WDR37: variants seen among roughly 807,000 people sequenced by gnomAD.
The protein encoded by WDR37 is WD repeat-containing protein 37.
A neutral mutation model predicts 62.9 loss-of-function variants in WDR37; 19 were observed. The observed-to-expected ratio is 0.30, with a 90% CI of 0.21 to 0.44. The LOEUF (loss-of-function observed/expected upper bound fraction) is 0.44, where lower values mean the gene tolerates loss of function less well. Among genes scored for constraint, WDR37 ranks in the 20% least tolerant of loss-of-function variants. The probability of loss-of-function intolerance (pLI) is 1.00; values close to 1 mark genes in which losing one functional copy is unlikely to be tolerated. For missense variants in WDR37, 474 were observed against 657.6 expected, an observed-to-expected ratio of 0.72 and a Z score of 3.05; for synonymous variants, 250 against 260.9, an observed-to-expected ratio of 0.96 and a Z score of 0.40.
Position 1,113,919 on chromosome 10 carries a change from C to T in WDR37, c.1103+8652C>T, listed in dbSNP as rs141482279. ...TGGTAGGGTTTGAGAGGACTGACTC[C>T]AGTTTTGAGGTTCAATTGTGGGTAA... On this transcript the variant is annotated intron_variant, in intron 11 of 13. Coordinates refer to ENST00000263150, the MANE Select transcript of WDR37 (RefSeq NM_014023.4). 7.0e-3 allele frequency among the ~76,000 whole-genome samples: 995 copies of T among 141,182 alleles called. 19 individuals are homozygous for T. The highest frequency in any genetic ancestry group is 0.025 in the African/African-American group (951 of 38,610). 92.6% of individuals were successfully genotyped at this position (141,182 alleles called of 152,430 possible).
In WDR37 at chr10:1,096,210, G is replaced by A; in HGVS notation, c.690G>A (p.Val230=). ...CTGCTCATATCTGGAGATACGCGGT[G>A]CAGCTGCCGACACCCCAGCCTGTTG... is the stretch of plus-strand genomic sequence containing the variant. ...DQTAHIWRYA[V]QLPTPQPVAD... is the part of the protein sequence containing the mutation. Residue 230 remains valine, a synonymous_variant, in exon 9 of 14, where the codon GTG becomes GTA. Transcript: ENST00000263150. 6.2e-7 allele frequency: 1 copy of A among 1,614,128 alleles called. No individual in the cohort carries two copies. Among genetic ancestry groups the A allele is most frequent in the Non-Finnish European group, 8.5e-7 (1 of 1,180,028 alleles).
At chr10:1,092,021 A>G (rs985419137) in intron 7 of WDR37, among the ~76,000 whole-genome samples, 2 of 151,450 alleles carry the variant, frequency 1.3e-5, no homozygotes, top group African/African-American at 4.9e-5. Flanking sequence ...TCTACTAAAA[A>G]TAGAAAAAAT....
chr10:1,069,389 A>ATATATATATATATATATATT, intron 1 of WDR37, among the ~76,000 whole-genome samples: 4 of 95,806 alleles, frequency 4.2e-5, no homozygotes, highest in Admixed American at 3.6e-4. Context: ...ATATATATAT[A>ATATATATATATATATATATT]TTTTTTTTTT....
chr10:1,115,348 T>G (rs1262124267), intron 11 of WDR37, among the ~76,000 whole-genome samples: 3 of 152,202 alleles, frequency 2.0e-5, no homozygotes, highest in Non-Finnish European at 4.4e-5. Flanking sequence ...CCAAACAAAA[T>G]TTTAAAAGAT....
chr10:1,092,738 G>A (rs1301941116), intron 7 of WDR37, among the ~76,000 whole-genome samples: 1 of 151,576 alleles, frequency 6.6e-6, no homozygotes, highest in African/African-American at 2.4e-5. Context: ...AGGTGTGGTG[G>A]TACATTCTTG....
chr10:1,092,179 CAAAAAAAAAAAAA>C (rs1216415362), intron 7 of WDR37, among the ~76,000 whole-genome samples: 1 of 68,842 alleles, frequency 1.5e-5, no homozygotes, highest in Non-Finnish European at 2.8e-5. Context: ...GACTCCGTCT[CAAAAAAAAAAAAA>C]AAAAAAGAAA....
At chr10:1,124,058 T>C in intron 11 of WDR37, 160 bp from the exon 12 acceptor site, 2 of 828,290 alleles carry the variant, frequency 2.4e-6, no homozygotes, top group South Asian at 3.6e-5. Context: ...CTTGCACTGG[T>C]GGAGAGGCTT....
intron 1 of WDR37, among the ~76,000 whole-genome samples, chr10:1,070,654 T>C (rs1833699671): frequency 6.6e-6 from 1 of 152,220 alleles, no homozygotes; most frequent in South Asian, 2.1e-4. Context: ...ATTAGAATGC[T>C]TAATAAACTG....
chr10:1,100,252 T>C (rs1304266275), intron 9 of WDR37, among the ~76,000 whole-genome samples: 1 of 151,470 alleles, frequency 6.6e-6, no homozygotes, highest in East Asian at 2.0e-4. Context: ...AAGATGAACC[T>C]CTGTGATGTG....
chr10:1,069,389 A>ATATATATATATATTTTTTTT, intron 1 of WDR37, among the ~76,000 whole-genome samples: 30 of 95,764 alleles, frequency 3.1e-4, no homozygotes, highest in Non-Finnish European at 5.3e-4. Context: ...ATATATATAT[A>ATATATATATATATTTTTTTT]TTTTTTTTTT....
chr10:1,082,475 T>C (rs1834058131), intron 5 of WDR37, among the ~76,000 whole-genome samples: 1 of 152,222 alleles, frequency 6.6e-6, no homozygotes, highest in Non-Finnish European at 1.5e-5. Context: ...ACTTATCTTC[T>C]CAAAAATATT....
At chr10:1,084,924 A>G (rs1243155093) in intron 6 of WDR37, among the ~76,000 whole-genome samples, 1 of 152,244 alleles carries the variant, frequency 6.6e-6, no homozygotes, top group Non-Finnish European at 1.5e-5. Context: ...GAATGGATTT[A>G]ACTTAAATGT....
chr10:1,109,711 C>T lies in WDR37; in HGVS notation c.1103+4444C>T, dbSNP rs560458717. Among the ~76,000 whole-genome samples, 7 of 151,838 alleles carry T rather than the reference C, an allele frequency of 4.6e-5. 1 individual carries two copies. In the South Asian group the frequency reaches 1.2e-3, roughly 27 times the overall value. On this transcript the variant is annotated intron_variant, in intron 11 of 13. Transcript: ENST00000263150. ...GGGCAATGAGCGAAACTCCAAACTC[C>T]GTCTCAGAAAAAAAAAAATTCTGGT...
intron 1 of WDR37, among the ~76,000 whole-genome samples, chr10:1,063,793 C>G (rs939349895): frequency 6.6e-6 from 1 of 152,160 alleles, no homozygotes; most frequent in Non-Finnish European, 1.5e-5. Flanking sequence ...GGAGGCTGAA[C>G]TTTCCTTCTC....
chr10:1,066,470 A>C, intron 1 of WDR37, among the ~76,000 whole-genome samples: 1 of 152,224 alleles, frequency 6.6e-6, no homozygotes, highest in African/African-American at 2.4e-5. Context: ...TAAGATCTAA[A>C]TAAATACTGT....
chr10:1,114,251 C>T (rs1407002737), intron 11 of WDR37, among the ~76,000 whole-genome samples: 1 of 152,136 alleles, frequency 6.6e-6, no homozygotes, highest in Non-Finnish European at 1.5e-5. Flanking sequence ...GCCACCATGC[C>T]TGGCCCCAGT....
intron 11 of WDR37, among the ~76,000 whole-genome samples, chr10:1,106,570 G>A (rs1835030486): frequency 6.6e-6 from 1 of 152,170 alleles, no homozygotes; most frequent in Non-Finnish European, 1.5e-5. Flanking sequence ...GGGCTGGAGT[G>A]CAGTGGTATG....
chr10:1,068,065 G>A (rs1261013278), intron 1 of WDR37, among the ~76,000 whole-genome samples: 1 of 152,148 alleles, frequency 6.6e-6, no homozygotes, highest in African/African-American at 2.4e-5. Flanking sequence ...AATAGAGACC[G>A]GGAAGGGTGT....
At chr10:1,106,989 G>A (rs1391885890) in intron 11 of WDR37, among the ~76,000 whole-genome samples, 2 of 152,192 alleles carry the variant, frequency 1.3e-5, no homozygotes, top group Non-Finnish European at 2.9e-5. Flanking sequence ...TCAGGTCAGC[G>A]TTTATTCTGC....
Sources: gnomAD v4.1 joint callset for allele counts (sites outside exome capture counted in the v4.1 genomes callset) on GRCh38, gnomAD v4.1.1 for gene constraint, MANE v1.5 for transcripts, NCBI Gene and HGNC (gene_info 2026-07-23, HGNC 2026-07-21) for gene names.